The following TBC1D19 variants were observed in gnomAD, a reference collection of about 807,000 sequenced individuals.
The protein encoded by TBC1D19 is TBC1 domain family member 19, also known as TBC1 domain family, member 19.
A neutral mutation model predicts 89.0 loss-of-function variants in TBC1D19; 60 were observed. The observed-to-expected ratio is 0.67, with a 90% CI of 0.55 to 0.84. TBC1D19 has a LOEUF of 0.84. TBC1D19 is among the 40% of genes least tolerant of loss of function. The probability of loss-of-function intolerance (pLI) is 0.00; values close to 1 mark genes in which losing one functional copy is unlikely to be tolerated. For missense variants in TBC1D19, 500 were observed against 610.8 expected (o/e 0.82, Z 1.91); for synonymous variants, 189 against 199.7 (o/e 0.95, Z 0.45).
At chr4:26,718,837 G>C (rs907545928) in intron 14 of TBC1D19, among the ~76,000 whole-genome samples, 1 of 151,968 alleles carries the variant, frequency 6.6e-6, no homozygotes, top group East Asian at 1.9e-4. Context: ...TATCTACTGA[G>C]CTCACCTCTA....
intron 1 of TBC1D19, among the ~76,000 whole-genome samples, chr4:26,594,601 A>G (rs1407240029): frequency 6.6e-6 from 1 of 152,152 alleles, no homozygotes; most frequent in Non-Finnish European, 1.5e-5. Context: ...AAAGTAAGAA[A>G]TGATGTAATG....
At chr4:26,686,598 A>G (rs62412676) in intron 12 of TBC1D19, among the ~76,000 whole-genome samples, 3,412 of 152,260 alleles carry the variant, frequency 0.022, 55 homozygotes, top group Non-Finnish European at 0.026. Flanking sequence ...TAAGATTTGG[A>G]TGGGTAGGGA....
At chr4:26,725,044 C>T (rs191382940) in intron 15 of TBC1D19, among the ~76,000 whole-genome samples, 5 of 152,294 alleles carry the variant, frequency 3.3e-5, no homozygotes, top group African/African-American at 7.2e-5. Flanking sequence ...GAGCCAGTCC[C>T]GCAGTTAGCT....
At chr4:26,632,542 G>A (rs941527675) in intron 4 of TBC1D19, among the ~76,000 whole-genome samples, 1 of 152,018 alleles carries the variant, frequency 6.6e-6, no homozygotes, top group African/African-American at 2.4e-5. Context: ...GGAGGAGGAG[G>A]AAGAGGAAGG....
At chr4:26,819,919 A>G in the TBC1D19 span, among the ~76,000 whole-genome samples, 1 of 152,284 alleles carries the variant, frequency 6.6e-6, no homozygotes, top group East Asian at 1.9e-4. Context: ...CGTCCCTCAG[A>G]TATCAACATG....
Position 26,698,977 on chromosome 4 carries a change from C to G in TBC1D19, c.954+10570C>G, listed in dbSNP as rs1416931817. ...GGCAAGGACTTCATGTCTAAAACGCCAAAAGCAATGGCAACAAAAGCCAAA... is the reference window on the plus strand; with the variant it reads ...GGCAAGGACTTCATGTCTAAAACGCGAAAAGCAATGGCAACAAAAGCCAAA... On this transcript the variant is annotated intron_variant, in intron 13 of 20. Coordinates refer to ENST00000264866, the MANE Select transcript of TBC1D19 (RefSeq NM_018317.4). 4.6e-5 allele frequency among the ~76,000 whole-genome samples: 7 copies of G among 152,128 alleles called. No individual in the cohort carries two copies. In the South Asian group the frequency reaches 6.2e-4, roughly 14 times the overall value.
At position 26,605,678 on chromosome 4, in the gene TBC1D19, A is replaced by T. The variant is rs1462368569; in HGVS notation, c.100-7491A>T. On this transcript the variant is annotated intron_variant, in intron 1 of 20. Coordinates refer to ENST00000264866, the MANE Select transcript of TBC1D19 (RefSeq NM_018317.4). The stretch of plus-strand genomic sequence containing the variant: ...AGTTTACAGTCCCACCAACAGTGTA[A>T]AAGTGTTCCTATTTCTCCACAAACT... Among the ~76,000 whole-genome samples, 4 of 152,284 alleles carry T rather than the reference A, an allele frequency of 2.6e-5. No homozygotes were observed. The East Asian group carries it at 7.7e-4, about 29-fold the overall frequency.
intron 10 of TBC1D19, among the ~76,000 whole-genome samples, chr4:26,673,195 T>C (rs1350835841): frequency 6.6e-6 from 1 of 151,696 alleles, no homozygotes; most frequent in Non-Finnish European, 1.5e-5. Flanking sequence ...GATCTTTGTT[T>C]CTACGTCTTT....
chr4:26,587,506 A>G (rs1739487312), intron 1 of TBC1D19, among the ~76,000 whole-genome samples: 1 of 150,792 alleles, frequency 6.6e-6, no homozygotes. Context: ...GAACCTGGGT[A>G]GCAGAGGTTG....
At chr4:26,845,641 A>T in the TBC1D19 span, among the ~76,000 whole-genome samples, 1 of 152,192 alleles carries the variant, frequency 6.6e-6, no homozygotes. Flanking sequence ...GCTACTAAAG[A>T]CATACCTGAG....
chr4:26,800,649 A>T, the TBC1D19 span, among the ~76,000 whole-genome samples: 1 of 152,138 alleles, frequency 6.6e-6, no homozygotes, highest in Non-Finnish European at 1.5e-5. Context: ...CTATTTCTCC[A>T]CATCCTCTCC....
At chr4:26,826,132 G>A in the TBC1D19 span, among the ~76,000 whole-genome samples, 2 of 152,180 alleles carry the variant, frequency 1.3e-5, no homozygotes, top group South Asian at 2.1e-4. Flanking sequence ...AACCCAGGAG[G>A]CAGAAGTTGC....
intron 19 of TBC1D19, among the ~76,000 whole-genome samples, chr4:26,751,601 T>C (rs9654108): frequency 0.07 from 10,613 of 152,280 alleles, 1,286 homozygotes; most frequent in African/African-American, 0.24. Context: ...TATCTACTGT[T>C]ACATATTCAC....
intron 13 of TBC1D19, among the ~76,000 whole-genome samples, chr4:26,696,145 A>G (rs1300260526): frequency 6.6e-6 from 1 of 152,210 alleles, no homozygotes; most frequent in Non-Finnish European, 1.5e-5. Context: ...ATAGGCTCAA[A>G]ATAAAGGGAT....
At chr4:26,729,255 G>C (rs1362517778) in intron 15 of TBC1D19, among the ~76,000 whole-genome samples, 1 of 152,184 alleles carries the variant, frequency 6.6e-6, no homozygotes, top group Non-Finnish European at 1.5e-5. Flanking sequence ...GCCCACAATT[G>C]AACTTTGATC....
chr4:26,597,134 T>G (rs1376952636), intron 1 of TBC1D19, among the ~76,000 whole-genome samples: 1 of 152,224 alleles, frequency 6.6e-6, no homozygotes, highest in East Asian at 1.9e-4. Context: ...ATTTTTTTGT[T>G]TGTTCCATCA....
the TBC1D19 span, among the ~76,000 whole-genome samples, chr4:26,763,200 C>T: frequency 6.6e-6 from 1 of 152,082 alleles, no homozygotes; most frequent in Non-Finnish European, 1.5e-5. Flanking sequence ...CTAAGACCTC[C>T]CAACCATCTA....
intron 1 of TBC1D19, chr4:26,585,024 G>A (rs892556337): frequency 1.9e-5 from 4 of 210,964 alleles, no homozygotes. Flanking sequence ...AATGTACAAT[G>A]GCTTGTTTAT....
At chr4:26,690,571 T>C (rs1386989241) in intron 13 of TBC1D19, among the ~76,000 whole-genome samples, 1 of 152,196 alleles carries the variant, frequency 6.6e-6, no homozygotes, top group Admixed American at 6.5e-5. Flanking sequence ...CAAAAATCCT[T>C]GGGCCCTTAA....
Sources: allele counts gnomAD v4.1 joint callset (sites outside exome capture counted in the v4.1 genomes callset), GRCh38; gene constraint gnomAD v4.1.1; transcripts MANE v1.5; gene names NCBI Gene and HGNC (gene_info 2026-07-23, HGNC 2026-07-21).